TTYH1: variants seen among roughly 807,000 people sequenced by gnomAD.
TTYH1 encodes the protein protein tweety homolog 1.
In TTYH1, 33 loss-of-function variants were observed where a neutral mutation model predicts 61.2. The observed-to-expected ratio is 0.54, with a 90% CI of 0.41 to 0.72. TTYH1 has a LOEUF of 0.72. Among genes scored for constraint, TTYH1 ranks in the 30% least tolerant of loss-of-function variants. The pLI is 0.00. For missense variants in TTYH1, 538 were observed against 575.8 expected, an observed-to-expected ratio of 0.93 and a Z score of 0.67; for synonymous variants, 308 against 266.4, an observed-to-expected ratio of 1.16 and a Z score of -1.52.
chr19:54,422,924 A>G (rs1001071148), intron 4 of TTYH1, among the ~76,000 whole-genome samples: 8 of 83,114 alleles, frequency 9.6e-5, no homozygotes, highest in Non-Finnish European at 1.9e-4. Flanking sequence ...GTGAGACTCC[A>G]TCTCAAAAAA....
Position 54,416,972 on chromosome 19 carries a change from G to T in TTYH1, c.126+1294G>T. 2.4e-6 allele frequency: 3 copies of T among 1,226,132 alleles called. No homozygotes were observed. The highest frequency in any genetic ancestry group is 3.1e-6 in the Non-Finnish European group (3 of 958,642). The allele number at this position is 1,226,132 out of a possible 1,614,324, so 76.0% of individuals were successfully genotyped here. ...CTCCGCCCCCACGGTCGGGGGTCAG[G>T]GTCAGGGTGGCAGGGATGCGCGGGC... On this transcript the variant is annotated intron_variant, in intron 1 of 13. Coordinates refer to ENST00000376530, the MANE Select transcript of TTYH1 (RefSeq NM_020659.4). This position sits in a 1 kb window ranked among gnomAD's most constrained non-coding sequence, Gnocchi z 7.0.
In TTYH1 at chr19:54,429,256, C is replaced by G. The variant is rs184486778; in HGVS notation, c.735-51C>G. On this transcript the variant is annotated intron_variant, in intron 5 of 13. Coordinates refer to ENST00000376530, the MANE Select transcript of TTYH1 (RefSeq NM_020659.4). The surrounding 1 kb of genome is among the most constrained non-coding windows in gnomAD (Gnocchi z 5.1). ...ATGGGATTTGGGGTGTGGAAAGAGG[C>G]TAGGCTAGGAGATTAAGAACCCCGG... The G allele has an allele frequency of 1.7e-5, 27 of 1,557,462 alleles. No homozygotes were observed. The highest frequency in any genetic ancestry group is 2.3e-5 in the Non-Finnish European group (26 of 1,128,892).
At chr19:54,427,369 G>T (rs940968212) in intron 5 of TTYH1, among the ~76,000 whole-genome samples, 1 of 147,344 alleles carries the variant, frequency 6.8e-6, no homozygotes, top group Admixed American at 6.9e-5. Context: ...ACTTTGGGAG[G>T]CCGAGGAGGG....
chr19:54,436,597 G>T lies in TTYH1; in HGVS notation c.*307G>T. 1 of 593,336 alleles carries T rather than the reference G, an allele frequency of 1.7e-6. No homozygotes were observed. The highest frequency in any genetic ancestry group is 2.0e-5 in the South Asian group (1 of 49,190). The allele number at this position is 593,336 out of a possible 1,614,324, so 36.8% of individuals were successfully genotyped here. On this transcript the variant is annotated 3_prime_UTR_variant, in exon 14 of 14. Transcript: ENST00000376530. The surrounding 1 kb of genome is among the most constrained non-coding windows in gnomAD (Gnocchi z 4.3). Reference sequence around the variant, plus strand: ...TTGGAGGGACTAAGCTGGGGGTGGGGGACATGAGTCCCCCTGCTGCCCCTG... The same window carrying T: ...TTGGAGGGACTAAGCTGGGGGTGGGTGACATGAGTCCCCCTGCTGCCCCTG...
rs73606754 is a variant in TTYH1, at chr19:54,420,809, C to T, written c.306-468C>T. 7.3e-4 allele frequency: 130 copies of T among 177,436 alleles called. No homozygotes were observed. Among genetic ancestry groups the T allele is most frequent in the African/African-American group, 3.0e-3 (125 of 41,860 alleles). The allele number at this position is 177,436 out of a possible 1,614,324, so 11.0% of individuals were successfully genotyped here. ...CTTAGGAACCCCCAGGAGGTGGGGG[C>T]GGAGAACGTCTCAGCACTGAAGGGT... On this transcript the variant is annotated intron_variant, in intron 2 of 13. Transcript: ENST00000376530. The surrounding 1 kb of genome is among the most constrained non-coding windows in gnomAD (Gnocchi z 4.8).
chr19:54,435,035 C>A (rs2083512221), intron 10 of TTYH1: 1 of 154,630 alleles, frequency 6.5e-6, no homozygotes. Context: ...GTTATGAAGC[C>A]CTCGCCCCTG....
chr19:54,420,112 C>T lies in TTYH1; in HGVS notation c.305+806C>T, dbSNP rs975122512. On this transcript the variant is annotated intron_variant, in intron 2 of 13. Transcript: ENST00000376530. This position sits in a 1 kb window ranked among gnomAD's most constrained non-coding sequence, Gnocchi z 4.8. ...TAGGACCCCCTCACACCCCTCAAAG[C>T]GAGCTTAGGGGGCTTCCAATGTGAA... is the stretch of plus-strand genomic sequence containing the variant. Among the ~76,000 whole-genome samples, 2 of 152,132 alleles carry T rather than the reference C, an allele frequency of 1.3e-5. No homozygotes were observed. The highest frequency in any genetic ancestry group is 1.3e-4 in the Admixed American group (2 of 15,270).
In TTYH1 at chr19:54,416,308, G is replaced by A. The variant is rs1342720259; in HGVS notation, c.126+630G>A. ...GGGGTGAGGGCCGAGATGAGGCTGGGTTTGGGGAGCCTCGGGATGACAGAC... is the reference window on the plus strand; with the variant it reads ...GGGGTGAGGGCCGAGATGAGGCTGGATTTGGGGAGCCTCGGGATGACAGAC... On this transcript the variant is annotated intron_variant, in intron 1 of 13. Coordinates refer to ENST00000376530, the MANE Select transcript of TTYH1 (RefSeq NM_020659.4). This position sits in a 1 kb window ranked among gnomAD's most constrained non-coding sequence, Gnocchi z 7.0. 1.8e-5 allele frequency: 5 copies of A among 274,942 alleles called. No individual in the cohort carries two copies. The East Asian group carries it at 4.4e-4, about 24-fold the overall frequency. 17.0% of individuals were successfully genotyped at this position (274,942 alleles called of 1,614,324 possible). A position where few individuals can be genotyped will look rare whatever the true frequency, so the allele number is the denominator to read the frequency against.
Position 54,422,273 on chromosome 19 carries a change from G to A in TTYH1, c.501G>A (p.Glu167=). Residue 167 remains glutamate, a synonymous_variant, in exon 4 of 14, where the codon GAG becomes GAA. Coordinates refer to ENST00000376530, the MANE Select transcript of TTYH1 (RefSeq NM_020659.4). The part of the protein sequence containing the change: ...TLEEVLEPRT[E]LVAAARGARR... Reference sequence around the variant, plus strand: ...AGGAGGTGCTCGAGCCGCGCACGGAGCTGGTGGCTGCCGCCCGAGGGGCTC... The same window carrying A: ...AGGAGGTGCTCGAGCCGCGCACGGAACTGGTGGCTGCCGCCCGAGGGGCTC... The A allele has an allele frequency of 3.8e-6, 6 of 1,566,934 alleles. No homozygotes were observed. The highest frequency in any genetic ancestry group is 5.2e-6 in the Non-Finnish European group (6 of 1,156,318).
intron 9 of TTYH1, 95 bp downstream of exon 9, chr19:54,431,000 A>AGGCGGGGCCTTGGGTTGTG (rs2083429416): frequency 8.6e-7 from 1 of 1,167,640 alleles, no homozygotes; most frequent in African/African-American, 1.9e-5. Flanking sequence ...CTGCAGAGCT[A>AGGCGGGGCCTTGGGTTGTG]GGCGGGGCCT....
intron 4 of TTYH1, chr19:54,426,355 T>G: frequency 1.1e-5 from 4 of 357,762 alleles, no homozygotes; most frequent in East Asian, 9.7e-5. Flanking sequence ...CAGGGTGGGG[T>G]TGGGGATGGG....
Position 54,419,125 on chromosome 19 carries a change from C to A in TTYH1, c.127-3C>A. 4.3e-6 allele frequency: 7 copies of A among 1,609,772 alleles called. No individual in the cohort carries two copies. The highest frequency in any genetic ancestry group is 5.9e-6 in the Non-Finnish European group (7 of 1,177,652). On this transcript the variant is annotated splice_region_variant and splice_polypyrimidine_tract_variant and intron_variant, in intron 1 of 13. Transcript: ENST00000376530. The surrounding 1 kb of genome is among the most constrained non-coding windows in gnomAD (Gnocchi z 6.1). ...GGAGGTCTGATGTCACCCCCTTCCC[C>A]AGGCCTTGTTGCTGGTGGCGGCCTT...
rs532939046 is a variant in TTYH1 at position 54,420,175 on chromosome 19, C to T, written c.305+869C>T. ...CAAGAACGAGCTCTGAGCACAGCCCCCTCCCCGGCAGGGCAGCACCCACAG... is the reference window on the plus strand; with the variant it reads ...CAAGAACGAGCTCTGAGCACAGCCCTCTCCCCGGCAGGGCAGCACCCACAG... On this transcript the variant is annotated intron_variant, in intron 2 of 13. Coordinates refer to ENST00000376530, the MANE Select transcript of TTYH1 (RefSeq NM_020659.4). The surrounding 1 kb of genome is among the most constrained non-coding windows in gnomAD (Gnocchi z 4.8). Among the ~76,000 whole-genome samples the T allele has an allele frequency of 1.3e-5, 2 of 152,320 alleles. No individual in the cohort carries two copies. The highest frequency in any genetic ancestry group is 2.1e-4 in the South Asian group (1 of 4,832).
At chr19:54,425,688 C>G (rs1057492443) in intron 4 of TTYH1, among the ~76,000 whole-genome samples, 2 of 148,852 alleles carry the variant, frequency 1.3e-5, no homozygotes, top group Non-Finnish European at 3.0e-5. Context: ...GGTGGTGGGC[C>G]CTTCACTGAT....
At position 54,419,259 on chromosome 19, in the gene TTYH1, G is replaced by A. The variant is rs761325643; in HGVS notation, c.258G>A (p.Gly86=). Residue 86 remains glycine (G), a synonymous_variant, in exon 2 of 14, where the codon GGG becomes GGA. Coordinates refer to ENST00000376530, the MANE Select transcript of TTYH1 (RefSeq NM_020659.4). This position sits in a 1 kb window ranked among gnomAD's most constrained non-coding sequence, Gnocchi z 6.1. ...CCGGGTCCAAGATCCCCTCGCCCGG[G>A]GGAGGCTGCGTCACCTGGAGCTGCA... The part of the protein sequence containing the change: ...EPPGSKIPSP[G]GGCVTWSCIV... 1.2e-6 allele frequency: 2 copies of A among 1,606,408 alleles called. No individual in the cohort carries two copies. Among genetic ancestry groups the A allele is most frequent in the South Asian group, 2.2e-5 (2 of 91,048 alleles).
At chr19:54,430,949 A>T in intron 9 of TTYH1, 44 bp downstream of exon 9, 1 of 1,553,808 alleles carries the variant, frequency 6.4e-7, no homozygotes, top group Non-Finnish European at 8.7e-7. Context: ...CCCACGGGGA[A>T]GGCGGACGGG....
rs886625934 is a variant in TTYH1, at chr19:54,435,453, A to T, written c.1126-89A>T. 81 of 1,478,160 alleles carry T rather than the reference A, an allele frequency of 5.5e-5. No homozygotes were observed. In the East Asian group the frequency reaches 1.8e-3, roughly 33 times the overall value. 91.6% of individuals were successfully genotyped at this position (1,478,160 alleles called of 1,614,324 possible). The stretch of plus-strand genomic sequence containing the variant: ...GGTCAGTTGACGTGTGCAGTACCAC[A>T]GCCGGGAGGACGGTCAGACTGATGT... On this transcript the variant is annotated intron_variant, in intron 10 of 13. Transcript: ENST00000376530.
Position 54,429,511 on chromosome 19 carries a change from G to T in TTYH1, c.807+132G>T. Reference sequence around the variant, plus strand: ...CACGATCACAGCTCTGAGGTTTAGGGCTTGTTTCCTGGGGCCTGAGTGGGT... The same window carrying T: ...CACGATCACAGCTCTGAGGTTTAGGTCTTGTTTCCTGGGGCCTGAGTGGGT... On this transcript the variant is annotated intron_variant, in intron 6 of 13. Transcript: ENST00000376530. This position sits in a 1 kb window ranked among gnomAD's most constrained non-coding sequence, Gnocchi z 5.1. 2 of 841,794 alleles carry T rather than the reference G, an allele frequency of 2.4e-6. No homozygotes were observed. Among genetic ancestry groups the T allele is most frequent in the South Asian group, 3.0e-5 (2 of 66,210 alleles). 52.1% of individuals were successfully genotyped at this position (841,794 alleles called of 1,614,324 possible). A position where few individuals can be genotyped will look rare whatever the true frequency, so the allele number is the denominator to read the frequency against.
In TTYH1 at chr19:54,429,211, G is replaced by A; in HGVS notation, c.735-96G>A. 9.0e-7 allele frequency: 1 copy of A among 1,109,642 alleles called. No individual in the cohort carries two copies. The highest frequency in any genetic ancestry group is 1.8e-5 in the Admixed American group (1 of 56,134). The allele number at this position is 1,109,642 out of a possible 1,614,324, so 68.7% of individuals were successfully genotyped here. On this transcript the variant is annotated intron_variant, in intron 5 of 13. Coordinates refer to ENST00000376530, the MANE Select transcript of TTYH1 (RefSeq NM_020659.4). The surrounding 1 kb of genome is among the most constrained non-coding windows in gnomAD (Gnocchi z 5.1). Reference sequence around the variant, plus strand: ...GATCCTCCAGGCTCCAGAGGTGGGTGGAGGTGGGGGGCGGCTGTGATGGGA... The same window carrying A: ...GATCCTCCAGGCTCCAGAGGTGGGTAGAGGTGGGGGGCGGCTGTGATGGGA...
Sources: gnomAD v4.1 joint callset for allele counts (sites outside exome capture counted in the v4.1 genomes callset) on GRCh38, gnomAD v4.1.1 for gene constraint, Gnocchi (gnomAD v3.1) non-coding constraint, MANE v1.5 for transcripts, NCBI Gene and HGNC (gene_info 2026-07-23, HGNC 2026-07-21) for gene names.